The following CIMIP6 variants were observed in gnomAD, a reference collection of about 807,000 sequenced individuals.
The protein encoded by CIMIP6 is ciliary microtubule inner protein 6, also known as uncharacterized protein C2orf73.
chr2:54,361,851 A>G, the CIMIP6 span, among the ~76,000 whole-genome samples: 1 of 152,212 alleles, frequency 6.6e-6, no homozygotes, highest in Non-Finnish European at 1.5e-5. Flanking sequence ...TTTTATCCTC[A>G]TTGGAACAGG....
the CIMIP6 span, chr2:54,360,421 A>G: frequency 3.1e-6 from 5 of 1,601,466 alleles, no homozygotes; most frequent in South Asian, 5.7e-5. Context: ...TATCAGAAAC[A>G]GACGTCAGAC....
the CIMIP6 span, among the ~76,000 whole-genome samples, chr2:54,363,833 T>G: frequency 2.0e-5 from 3 of 152,136 alleles, no homozygotes; most frequent in East Asian, 3.9e-4. Flanking sequence ...ACTTTAACCA[T>G]TAGGAAATAA....
the CIMIP6 span, among the ~76,000 whole-genome samples, chr2:54,379,937 A>G: frequency 1.8e-4 from 27 of 151,500 alleles, no homozygotes; most frequent in African/African-American, 6.1e-4. Context: ...AGATAGCACC[A>G]TTGCACCCCA....
the CIMIP6 span, among the ~76,000 whole-genome samples, chr2:54,362,851 T>G: frequency 6.6e-6 from 1 of 152,216 alleles, no homozygotes; most frequent in African/African-American, 2.4e-5. Context: ...ATGGCTCTCA[T>G]TATCTTTCTC....
chr2:54,351,533 C>A, the CIMIP6 span, among the ~76,000 whole-genome samples: 3 of 152,206 alleles, frequency 2.0e-5, no homozygotes, highest in Non-Finnish European at 4.4e-5. Context: ...AACAAAAAAA[C>A]CAAATACCAC....
chr2:54,343,399 G>T, the CIMIP6 span, among the ~76,000 whole-genome samples: 1 of 151,966 alleles, frequency 6.6e-6, no homozygotes, highest in Non-Finnish European at 1.5e-5. Context: ...ATACATACAC[G>T]TGTACATATA....
At chr2:54,337,542 A>C in the CIMIP6 span, among the ~76,000 whole-genome samples, 20 of 152,204 alleles carry the variant, frequency 1.3e-4, no homozygotes, top group Non-Finnish European at 2.8e-4. Flanking sequence ...TGAATTTAAA[A>C]CTGTTCACTG....
the CIMIP6 span, among the ~76,000 whole-genome samples, chr2:54,335,935 G>A: frequency 6.6e-6 from 1 of 152,000 alleles, no homozygotes; most frequent in Non-Finnish European, 1.5e-5. Context: ...CCACTCTCCT[G>A]ACTCTCTCTT....
chr2:54,373,422 G>A, the CIMIP6 span, among the ~76,000 whole-genome samples: 16 of 151,936 alleles, frequency 1.1e-4, no homozygotes, highest in African/African-American at 2.9e-4. Flanking sequence ...CTCCAACCCC[G>A]CAGCACAAAT....
the CIMIP6 span, among the ~76,000 whole-genome samples, chr2:54,375,038 T>A: frequency 3.3e-5 from 5 of 152,324 alleles, no homozygotes; most frequent in Middle Eastern, 6.8e-3. Context: ...TTCAAACTTT[T>A]AAGGCTTCTT....
At chr2:54,361,807 T>C in the CIMIP6 span, among the ~76,000 whole-genome samples, 6 of 152,300 alleles carry the variant, frequency 3.9e-5, no homozygotes, top group South Asian at 6.2e-4. Flanking sequence ...GTTAGCATGT[T>C]TGGAAAAAGG....
chr2:54,353,026 A>G, the CIMIP6 span, among the ~76,000 whole-genome samples: 1 of 152,192 alleles, frequency 6.6e-6, no homozygotes, highest in Non-Finnish European at 1.5e-5. Context: ...GAGGGCTTTT[A>G]ATGATGACAG....
chr2:54,356,553 G>T, the CIMIP6 span, among the ~76,000 whole-genome samples: 1 of 151,996 alleles, frequency 6.6e-6, no homozygotes, highest in Non-Finnish European at 1.5e-5. Context: ...GGTAGCTCCG[G>T]TTCCTGCTTC....
chr2:54,331,115 C>A, the CIMIP6 span: 1 of 1,001,242 alleles, frequency 1.0e-6, no homozygotes, highest in Non-Finnish European at 1.5e-6. Context: ...AGCCCCCTTG[C>A]TTCTCTAATT....
the CIMIP6 span, among the ~76,000 whole-genome samples, chr2:54,356,397 G>C: frequency 6.6e-6 from 1 of 152,192 alleles, no homozygotes; most frequent in Non-Finnish European, 1.5e-5. Context: ...AAGGCAATGT[G>C]AGGGAAAGTC....
At chr2:54,353,731 T>C in the CIMIP6 span, among the ~76,000 whole-genome samples, 4 of 152,154 alleles carry the variant, frequency 2.6e-5, no homozygotes. Context: ...AGCAGCTTTT[T>C]CAAAGGTCCT....
At chr2:54,358,816 C>G in the CIMIP6 span, 3 of 480,566 alleles carry the variant, frequency 6.2e-6, no homozygotes, top group South Asian at 4.7e-5. Flanking sequence ...TGAATCCATT[C>G]TATTTATTAT....
the CIMIP6 span, among the ~76,000 whole-genome samples, chr2:54,368,707 A>G: frequency 6.6e-6 from 1 of 152,172 alleles, no homozygotes; most frequent in Non-Finnish European, 1.5e-5. Flanking sequence ...GCTGTCAACC[A>G]TGTCTTATAT....
At chr2:54,343,960 C>T in the CIMIP6 span, 1 of 1,183,258 alleles carries the variant, frequency 8.5e-7, no homozygotes, top group South Asian at 2.2e-5. Flanking sequence ...CGGACAGCTC[C>T]TGAAAATAAT....
Sources: allele counts gnomAD v4.1 joint callset (sites outside exome capture counted in the v4.1 genomes callset), GRCh38; gene constraint gnomAD v4.1.1; transcripts MANE v1.5; gene names NCBI Gene and HGNC (gene_info 2026-07-23, HGNC 2026-07-21).